The following SEC16B variants were observed in gnomAD, a reference collection of about 807,000 sequenced individuals.
SEC16B encodes the protein protein transport protein Sec16B.
In SEC16B, 115 loss-of-function variants were observed where a neutral mutation model predicts 141.8. The observed-to-expected ratio is 0.81, with a 90% CI of 0.70 to 0.95. The LOEUF is 0.95. SEC16B is among the 40% of genes least tolerant of loss of function. The pLI is 0.00. For synonymous variants in SEC16B, 493 were observed against 492.5 expected (o/e 1.00, Z -0.01); for missense variants, 1,291 against 1,312.3 (o/e 0.98, Z 0.25).
At position 177,932,711 on chromosome 1, in the gene SEC16B, G is replaced by A. The variant is rs2101897758; in HGVS notation, c.2919C>T (p.Phe973=). Residue 973 remains phenylalanine (F), a synonymous_variant, in exon 23 of 26, where the codon TTC becomes TTT. Coordinates refer to ENST00000308284, the MANE Select transcript of SEC16B (RefSeq NM_033127.4). ...ESPPLPDVSA[F]SRGRGGGEGR... ...AGGTGACGGTACCTCTGCCCCTGGA[G>A]AAGGCACTAACATCCGGCAGAGGTG... The A allele has an allele frequency of 1.3e-6, 2 of 1,594,814 alleles. No individual in the cohort carries two copies. Among genetic ancestry groups the A allele is most frequent in the East Asian group, 2.2e-5 (1 of 44,688 alleles).
intron 1 of SEC16B, among the ~76,000 whole-genome samples, chr1:177,977,872 A>T (rs990641037): frequency 3.3e-5 from 5 of 152,212 alleles, no homozygotes; most frequent in African/African-American, 1.2e-4. Flanking sequence ...CCCATCTTTT[A>T]AATGAAATTT....
intron 15 of SEC16B, among the ~76,000 whole-genome samples, chr1:177,942,709 G>T (rs991885687): frequency 1.3e-5 from 2 of 151,746 alleles, no homozygotes; most frequent in Non-Finnish European, 2.9e-5. Context: ...TGCAAAGGGC[G>T]TCAAGCTAAT....
At position 177,938,298 on chromosome 1, in the gene SEC16B, G is replaced by A. The variant is rs560174989; in HGVS notation, c.2204-785C>T. Among the ~76,000 whole-genome samples the A allele has an allele frequency of 9.8e-5, 14 of 142,438 alleles. 1 individual carries two copies. Among genetic ancestry groups the A allele is most frequent in the Admixed American group, 8.3e-4 (12 of 14,436 alleles). 93.4% of individuals were successfully genotyped at this position (142,438 alleles called of 152,430 possible). ...CCCCACTTCAGTGCTTCTGTGTCCC[G>A]AAAAGATCTTTTGACGCATAGGGCC... On this transcript the variant is annotated intron_variant, in intron 18 of 25. Transcript: ENST00000308284.
intron 1 of SEC16B, among the ~76,000 whole-genome samples, chr1:177,982,817 C>T (rs1654474904): frequency 6.6e-6 from 1 of 152,178 alleles, no homozygotes; most frequent in Non-Finnish European, 1.5e-5. Context: ...AAGAGTCAGG[C>T]TGTTGTGTCT....
intron 1 of SEC16B, among the ~76,000 whole-genome samples, chr1:177,976,300 G>A (rs968832075): frequency 1.1e-4 from 16 of 152,098 alleles, no homozygotes; most frequent in African/African-American, 2.4e-4. Context: ...CACCCCTCCC[G>A]TTTGATTGAT....
intron 17 of SEC16B, 24 bp downstream of exon 17, chr1:177,940,586 C>A (rs199975410): frequency 1.3e-6 from 2 of 1,553,944 alleles, no homozygotes; most frequent in South Asian, 1.1e-5. Context: ...GTCCCCCCAA[C>A]GCCCTGGCTC....
In SEC16B at chr1:177,933,306, C is replaced by A; in HGVS notation, c.2731G>T (p.Gly911Trp). ...GDGKEHTKSS[G>W]FGWFSWFRSK... ...CGAAACCAGCTGAACCAGCCAAACC[C>A]TGAGCTCTGGAAGGGGAAGAGGACA... Residue 911 changes from glycine (G) to tryptophan (W), a missense_variant, in exon 22 of 26, where the codon GGG becomes TGG. By Grantham distance (184) the Gly-to-Trp change is radical (BLOSUM62 -2). Coordinates refer to ENST00000308284, the MANE Select transcript of SEC16B (RefSeq NM_033127.4). 6.2e-7 allele frequency: 1 copy of A among 1,600,484 alleles called. No individual in the cohort carries two copies.
At chr1:177,950,716 A>C (rs1490159148) in intron 12 of SEC16B, among the ~76,000 whole-genome samples, 1 of 152,092 alleles carries the variant, frequency 6.6e-6, no homozygotes, top group Non-Finnish European at 1.5e-5. Flanking sequence ...GAGCTCAGGA[A>C]ATAGATGGTA....
At chr1:177,929,986 G>T (rs545608) in intron 25 of SEC16B, 57 bp from the exon 26 acceptor site, 16 of 1,566,586 alleles carry the variant, frequency 1.0e-5, no homozygotes, top group Middle Eastern at 1.8e-4. Flanking sequence ...ACTCTGCCCG[G>T]GGTTGATTGG....
intron 16 of SEC16B, 142 bp downstream of exon 16, chr1:177,941,758 C>T (rs1217117006): frequency 2.4e-6 from 2 of 843,440 alleles, no homozygotes; most frequent in Non-Finnish European, 1.8e-6. Flanking sequence ...TCTGGGCATG[C>T]ATACATGGTC....
Position 177,949,552 on chromosome 1 carries a change from C to T in SEC16B, c.1546-1610G>A, listed in dbSNP as rs1571326269. 2.0e-5 allele frequency among the ~76,000 whole-genome samples: 3 copies of T among 150,254 alleles called. No individual in the cohort carries two copies. In the Admixed American group the frequency reaches 2.0e-4, roughly 10 times the overall value. On this transcript the variant is annotated intron_variant, in intron 12 of 25. Coordinates refer to ENST00000308284, the MANE Select transcript of SEC16B (RefSeq NM_033127.4). Reference sequence around the variant, plus strand: ...AGAGAGAGAGAGAGAGAGAAAGCACCAACATTTATTAATTAACGAAAATGG... The same window carrying T: ...AGAGAGAGAGAGAGAGAGAAAGCACTAACATTTATTAATTAACGAAAATGG...
chr1:177,978,070 C>T (rs1395659457), intron 1 of SEC16B, among the ~76,000 whole-genome samples: 1 of 152,180 alleles, frequency 6.6e-6, no homozygotes, highest in African/African-American at 2.4e-5. Flanking sequence ...ATATACAAAG[C>T]TCATGACTTT....
upstream of SEC16B, chr1:177,971,449 A>T (rs1324590668): frequency 6.6e-6 from 1 of 151,874 alleles, no homozygotes; most frequent in Non-Finnish European, 1.5e-5. Flanking sequence ...GTTGTTTTTA[A>T]TCCTTCTGGG....
intron 15 of SEC16B, among the ~76,000 whole-genome samples, chr1:177,944,014 T>A (rs968328421): frequency 2.6e-5 from 4 of 152,184 alleles, no homozygotes; most frequent in African/African-American, 7.2e-5. Context: ...AACAGCATCA[T>A]GTAGAAACGT....
chr1:177,961,709 A>G lies in SEC16B; in HGVS notation c.668T>C (p.Leu223Pro), dbSNP rs1388272184. 6.2e-7 allele frequency: 1 copy of G among 1,613,828 alleles called. No homozygotes were observed. Among genetic ancestry groups the G allele is most frequent in the African/African-American group, 1.3e-5 (1 of 74,946 alleles). Reference protein sequence around the residue: ...NKPSLASESNLLQQRESGLSS... With the variant: ...NKPSLASESNPLQQRESGLSS... ...GAGACCAGACTCACGCTGCTGGAGA[A>G]GGTTGGACTCACTAGCCAATGATGG... The change falls in exon 6 of 26, where the codon CTT (leucine) becomes CCT (proline). Residue 223 changes from leucine to proline, a missense_variant. This residue lies in a region of SEC16B where 681 missense variants were observed against 675.5 expected (regional missense o/e 1.01). Transcript: ENST00000308284.
At position 177,964,228 on chromosome 1, in the gene SEC16B, C is replaced by G. The variant is rs766397161; in HGVS notation, c.585G>C (p.Gln195His). The G allele has an allele frequency of 6.2e-7, 1 of 1,613,806 alleles. No individual in the cohort carries two copies. Among genetic ancestry groups the G allele is most frequent in the Non-Finnish European group, 8.5e-7 (1 of 1,179,776 alleles). ...CKDSPASNSG[Q>H]EWPGELFPGS... ...CTGGAAACAGCTCCCCCGGCCACTC[C>G]TGTCCAGAGTTGGAAGCAGGGCTGT... The change falls in exon 5 of 26, where the codon CAG becomes CAC. Residue 195 changes from glutamine to histidine, a missense_variant. Transcript: ENST00000308284.
At chr1:177,947,588 C>G (rs781425554) in intron 13 of SEC16B, among the ~76,000 whole-genome samples, 12 of 151,738 alleles carry the variant, frequency 7.9e-5, no homozygotes, top group Non-Finnish European at 1.8e-4. Context: ...GTTTCTTTCC[C>G]CAAAACATGG....
At position 177,960,361 on chromosome 1, in the gene SEC16B, A is replaced by T. The variant is rs1571341125; in HGVS notation, c.979T>A (p.Phe327Ile). Residue 327 changes from phenylalanine (F) to isoleucine (I), a missense_variant, in exon 8 of 26, where the codon TTC becomes ATC. Around this residue, in one of 3 missense-constraint regions of SEC16B, gnomAD observed 681 missense variants for 675.5 expected, o/e 1.01. Coordinates refer to ENST00000308284, the MANE Select transcript of SEC16B (RefSeq NM_033127.4). ...CTATACCTAATCAAGGGTCCTGAGAAACTTCTCATCTCCTCTTGCTCTTCG... is the reference window on the plus strand; with the variant it reads ...CTATACCTAATCAAGGGTCCTGAGATACTTCTCATCTCCTCTTGCTCTTCG... ...DSEEQEEMRS[F>I]SGPLIREDVH... is the part of the protein sequence containing the mutation. 1 of 1,605,206 alleles carries T rather than the reference A, an allele frequency of 6.2e-7. No homozygotes were observed. Among genetic ancestry groups the T allele is most frequent in the Non-Finnish European group, 8.5e-7 (1 of 1,173,772 alleles).
In SEC16B at chr1:177,961,101, C is replaced by T. The variant is rs1369171146; in HGVS notation, c.788-162G>A. 4 of 699,806 alleles carry T rather than the reference C, an allele frequency of 5.7e-6. No homozygotes were observed. The Admixed American group carries it at 1.2e-4, about 20-fold the overall frequency. The allele number at this position is 699,806 out of a possible 1,614,324, so 43.3% of individuals were successfully genotyped here. On this transcript the variant is annotated intron_variant, in intron 6 of 25. Coordinates refer to ENST00000308284, the MANE Select transcript of SEC16B (RefSeq NM_033127.4). ...TAGAAGAAGCCCATGTTCCCTGCTC[C>T]AGTCAGATTTAAGCCTCTGAGAAGG...
Sources: gnomAD v4.1 joint callset for allele counts (sites outside exome capture counted in the v4.1 genomes callset) on GRCh38, gnomAD v4.1.1 for gene constraint, gnomAD v4.1.1 regional missense constraint, MANE v1.5 for transcripts, NCBI Gene and HGNC (gene_info 2026-07-23, HGNC 2026-07-21) for gene names.